Variants in CREB5 observed in about 807,000 individuals in gnomAD.
CREB5 encodes the protein cyclic AMP-responsive element-binding protein 5.
A neutral mutation model predicts 57.1 loss-of-function variants in CREB5; 19 were observed. The observed-to-expected ratio is 0.33, with a 90% CI of 0.23 to 0.49. The LOEUF is 0.49. Ranked by LOEUF, CREB5 falls within the 20% of genes least tolerant of loss-of-function variation. The pLI is 0.99. For missense variants in CREB5, 579 were observed against 671.6 expected (o/e 0.86, Z 1.52); for synonymous variants, 238 against 238.3 (o/e 1.00, Z 0.01).
At position 28,437,995 on chromosome 7, in the gene CREB5, C is replaced by A. The variant is rs1449183642; in HGVS notation, c.3+25078C>A. Among the ~76,000 whole-genome samples, 10 of 152,212 alleles carry A rather than the reference C, an allele frequency of 6.6e-5. No individual in the cohort carries two copies. The East Asian group carries it at 1.9e-3, about 29-fold the overall frequency. The stretch of plus-strand genomic sequence containing the variant: ...TCCCTACATGACATTTTCCAGTTAT[C>A]CAACCAGGCTTTTCTTCAGGAGCCA... On this transcript the variant is annotated intron_variant, in intron 1 of 10. Transcript: ENST00000357727.
At chr7:28,579,863 CT>C (rs1796053329) in intron 5 of CREB5, among the ~76,000 whole-genome samples, 1 of 152,168 alleles carries the variant, frequency 6.6e-6, no homozygotes, top group Non-Finnish European at 1.5e-5. Flanking sequence ...TTCTTAGAAT[CT>C]ATAGGGGCAG....
intron 5 of CREB5, among the ~76,000 whole-genome samples, chr7:28,616,926 A>C (rs77584478): frequency 0.012 from 1,868 of 152,334 alleles, 24 homozygotes; most frequent in Non-Finnish European, 0.02. Context: ...TGTTTGTACT[A>C]TCTAAGTCCC....
chr7:28,386,127 C>G (rs1285923322), intron 1 of CREB5, among the ~76,000 whole-genome samples: 1 of 152,186 alleles, frequency 6.6e-6, no homozygotes, highest in African/African-American at 2.4e-5. Context: ...GATTCACCTA[C>G]TTATTCGCAT....
intron 3 of CREB5, among the ~76,000 whole-genome samples, chr7:28,500,949 G>A (rs1792249585): frequency 2.0e-5 from 3 of 152,126 alleles, no homozygotes; most frequent in Admixed American, 1.3e-4. Context: ...GAGGGTGGGG[G>A]AGATGGCTTG....
intron 4 of CREB5, among the ~76,000 whole-genome samples, chr7:28,541,162 G>C (rs1376924079): frequency 6.6e-6 from 1 of 152,196 alleles, no homozygotes; most frequent in African/African-American, 2.4e-5. Flanking sequence ...GAAACTCTTA[G>C]AAATGCTATT....
chr7:28,315,305 T>C (rs896944495), intron 1 of CREB5, among the ~76,000 whole-genome samples: 1 of 152,228 alleles, frequency 6.6e-6, no homozygotes, highest in African/African-American at 2.4e-5. Flanking sequence ...AAAAACAGAC[T>C]TCTGACCAGC....
intron 5 of CREB5, among the ~76,000 whole-genome samples, chr7:28,608,158 C>G (rs552721772): frequency 6.6e-6 from 1 of 151,100 alleles, no homozygotes; most frequent in East Asian, 2.0e-4. Flanking sequence ...CACACACACT[C>G]TCAAACTTTC....
At chr7:28,391,407 C>T (rs1016670013) in intron 1 of CREB5, among the ~76,000 whole-genome samples, 4 of 152,158 alleles carry the variant, frequency 2.6e-5, no homozygotes, top group Admixed American at 1.3e-4. Flanking sequence ...AGCTACTAAT[C>T]GGCCGTTATG....
intron 7 of CREB5, among the ~76,000 whole-genome samples, chr7:28,743,070 C>T (rs1324548102): frequency 6.6e-6 from 1 of 152,176 alleles, no homozygotes; most frequent in African/African-American, 2.4e-5. Context: ...AGGCATGAGC[C>T]ACCGTGCCCA....
chr7:28,464,671 G>A (rs1213863372), intron 1 of CREB5, among the ~76,000 whole-genome samples: 1 of 150,396 alleles, frequency 6.6e-6, no homozygotes, highest in Non-Finnish European at 1.5e-5. Flanking sequence ...TCACAATACA[G>A]TTGTTCCTGC....
chr7:28,318,819 G>A (rs1321057639), intron 1 of CREB5, among the ~76,000 whole-genome samples: 1 of 152,156 alleles, frequency 6.6e-6, no homozygotes, highest in Non-Finnish European at 1.5e-5. Flanking sequence ...GAATTTCAAG[G>A]CTCATCAAAA....
intron 7 of CREB5, among the ~76,000 whole-genome samples, chr7:28,742,977 T>G (rs937456252): frequency 6.6e-6 from 1 of 152,006 alleles, no homozygotes; most frequent in Non-Finnish European, 1.5e-5. Flanking sequence ...AGAAATAGGG[T>G]TTCACCATGT....
rs184839166 is a variant in CREB5 at position 28,344,449 on chromosome 7, A to G, written c.-25+45008A>G. The stretch of plus-strand genomic sequence containing the variant: ...GTTCTTGGTCCCTTTGTTGAAAATC[A>G]GTTGGCTGTAAATGTATGGATTTAT... On this transcript the variant is annotated intron_variant, in intron 1 of 9. Transcript: ENST00000396299. Among the ~76,000 whole-genome samples, 12 of 152,318 alleles carry G rather than the reference A, an allele frequency of 7.9e-5. No individual in the cohort carries two copies. The East Asian group carries it at 2.3e-3, about 29-fold the overall frequency.
rs35658848 is a variant in CREB5, at chr7:28,802,078, GAAAAAAAAAAAA to G, written c.703-2105_703-2094del. ...CTGGCGACACAGCGAGACTCCATCT[GAAAAAAAAAAAA>G]AAAAAAAAAAAAAAAGGAGGAAACA... On this transcript the variant is annotated intron_variant, in intron 7 of 10. Transcript: ENST00000357727. Among the ~76,000 whole-genome samples, 120 of 26,650 alleles carry G rather than the reference GAAAAAAAAAAAA, an allele frequency of 4.5e-3. 4 individuals are homozygous for G. The highest frequency in any genetic ancestry group is 0.023 in the Admixed American group (35 of 1,552). 17.5% of individuals were successfully genotyped at this position (26,650 alleles called of 152,430 possible).
At chr7:28,397,073 T>C (rs926633908) in intron 1 of CREB5, among the ~76,000 whole-genome samples, 2 of 152,178 alleles carry the variant, frequency 1.3e-5, no homozygotes, top group African/African-American at 4.8e-5. Flanking sequence ...TTAAATGATA[T>C]GTGGAAACTG....
At chr7:28,670,455 C>A (rs1238289224) in intron 5 of CREB5, among the ~76,000 whole-genome samples, 2 of 152,190 alleles carry the variant, frequency 1.3e-5, no homozygotes, top group African/African-American at 4.8e-5. Context: ...ATGTATCTCT[C>A]CGTTAAGACC....
In CREB5 at chr7:28,412,843, G is replaced by A; in HGVS notation, c.-72G>A. 2 of 1,384,618 alleles carry A rather than the reference G, an allele frequency of 1.4e-6. No individual in the cohort carries two copies. The highest frequency in any genetic ancestry group is 3.7e-5 in the South Asian group (2 of 54,378). 85.8% of individuals were successfully genotyped at this position (1,384,618 alleles called of 1,614,324 possible). On this transcript the variant is annotated 5_prime_UTR_variant, in exon 1 of 11. Transcript: ENST00000357727. ...CTTGCTGGTGAAACAGAAGTTACTA[G>A]AAAGAAAGGAAGAAAAAACTTGATT...
intron 1 of CREB5, among the ~76,000 whole-genome samples, chr7:28,356,232 A>G (rs1786339035): frequency 6.6e-6 from 1 of 152,234 alleles, no homozygotes; most frequent in South Asian, 2.1e-4. Flanking sequence ...GACAAAGTGA[A>G]TGGCAATTGG....
At chr7:28,651,349 C>T (rs1167855844) in intron 5 of CREB5, among the ~76,000 whole-genome samples, 1 of 152,102 alleles carries the variant, frequency 6.6e-6, no homozygotes. Context: ...AAAGCATTTC[C>T]CACCAAATAT....
Sources: allele counts gnomAD v4.1 joint callset (sites outside exome capture counted in the v4.1 genomes callset), GRCh38; gene constraint gnomAD v4.1.1; transcripts MANE v1.5; gene names NCBI Gene and HGNC (gene_info 2026-07-23, HGNC 2026-07-21).